The following PFKFB2 variants were observed in gnomAD, a reference collection of about 807,000 sequenced individuals.
PFKFB2 encodes 6-phosphofructo-2-kinase/fructose-2,6-biphosphatase 2, also known as 6-phosphofructo-2-kinase/fructose-2,6-bisphosphatase 2.
Under a neutral mutation model 68.0 loss-of-function variants are expected in PFKFB2, and 53 were observed. The ratio of observed to expected loss-of-function variants is 0.78; its 90% CI spans 0.63 to 0.98. PFKFB2 has a LOEUF of 0.98. PFKFB2 is among the 50% of genes least tolerant of loss of function. PFKFB2 has a pLI of 0.00. For missense variants in PFKFB2, 451 were observed against 642.0 expected, an observed-to-expected ratio of 0.70 and a Z score of 3.22; for synonymous variants, 222 against 227.6, an observed-to-expected ratio of 0.98 and a Z score of 0.22.
chr1:207,063,167 A>G lies in PFKFB2; in HGVS notation c.333A>G (p.Glu111=), dbSNP rs531067191. ...IRKQCALVAL[E]DVKAYLTEEN... ...GACAGTGTGCTCTGGTGGCGCTGGA[A>G]GATGTTAAGGCGTATCTCACTGAGG... The change falls in exon 5 of 15, where the codon GAA becomes GAG. Residue 111 remains glutamate (E), a synonymous_variant. Coordinates refer to ENST00000367080, the MANE Select transcript of PFKFB2 (RefSeq NM_006212.2). The surrounding 1 kb of genome is among the most constrained non-coding windows in gnomAD (Gnocchi z 4.1). The G allele has an allele frequency of 6.2e-7, 1 of 1,614,104 alleles. No homozygotes were observed. The highest frequency in any genetic ancestry group is 1.1e-5 in the South Asian group (1 of 91,074).
In PFKFB2 at chr1:207,063,888, G is replaced by GGGGGGGTGTGTGTGT. The variant is rs572110449; in HGVS notation, c.507+60_507+61insGGGGGTGTGTGTGTG. 4.8e-5 allele frequency: 49 copies of GGGGGGGTGTGTGTGT among 1,016,600 alleles called. No homozygotes were observed. The East Asian group carries it at 9.5e-4, about 20-fold the overall frequency. 63.0% of individuals were successfully genotyped at this position (1,016,600 alleles called of 1,614,324 possible). A position where few individuals can be genotyped will look rare whatever the true frequency, so the allele number is the denominator to read the frequency against. ...ACCTTTTGTGCTGTGTGTGTTGTGG[G>GGGGGGGTGTGTGTGT]GTGTGTGTGTGTGTGTGTGTGTGTG... On this transcript the variant is annotated intron_variant, in intron 7 of 14. Coordinates refer to ENST00000367080, the MANE Select transcript of PFKFB2 (RefSeq NM_006212.2). The surrounding 1 kb of genome is among the most constrained non-coding windows in gnomAD (Gnocchi z 4.1).
chr1:207,050,387 T>C (rs1371791108), upstream of PFKFB2, among the ~76,000 whole-genome samples: 1 of 152,162 alleles, frequency 6.6e-6, no homozygotes, highest in Non-Finnish European at 1.5e-5. Flanking sequence ...CCCTACTTTA[T>C]ATTTTTGTGG....
chr1:207,040,950 C>G (rs1682464762), intron 1 of PFKFB2, among the ~76,000 whole-genome samples: 1 of 108,900 alleles, frequency 9.2e-6, no homozygotes, highest in Admixed American at 1.1e-4. Context: ...TTTTTTGAGA[C>G]AAGAGTCTCG....
chr1:207,061,919 T>G (rs1250292919), intron 2 of PFKFB2, 34 bp from the exon 3 acceptor site: 1 of 1,580,896 alleles, frequency 6.3e-7, no homozygotes, highest in South Asian at 1.1e-5. Context: ...AGGACTCTAG[T>G]CATTTCGTTT....
chr1:207,070,183 G>C lies in PFKFB2; in HGVS notation c.1093-97G>C, dbSNP rs1683424900. 7.0e-7 allele frequency: 1 copy of C among 1,437,170 alleles called. No individual in the cohort carries two copies. The highest frequency in any genetic ancestry group is 1.4e-5 in the African/African-American group (1 of 70,786). The allele number at this position is 1,437,170 out of a possible 1,614,324, so 89.0% of individuals were successfully genotyped here. Reference sequence around the variant, plus strand: ...GCCTCCAGGAGGAAAGCCAGCTGAGGAAGAAGAAGTGGCCCTTAGTCTCCA... The same window carrying C: ...GCCTCCAGGAGGAAAGCCAGCTGAGCAAGAAGAAGTGGCCCTTAGTCTCCA... On this transcript the variant is annotated intron_variant, in intron 11 of 14. Transcript: ENST00000367080. This position sits in a 1 kb window ranked among gnomAD's most constrained non-coding sequence, Gnocchi z 4.2.
chr1:207,055,002 T>A (rs1682878614), intron 2 of PFKFB2, 200 bp downstream of exon 2: 3 of 528,960 alleles, frequency 5.7e-6, no homozygotes, highest in Non-Finnish European at 6.8e-6. Context: ...GCTTGACTAC[T>A]GGTGTAGTCC....
chr1:207,073,225 C>T lies in PFKFB2; in HGVS notation c.*854C>T, dbSNP rs1572737705. On this transcript the variant is annotated 3_prime_UTR_variant, in exon 15 of 15. Transcript: ENST00000367080. ...TTTTTATTTTTAATTTAGAGTCAGG[C>T]CTGGGTCTTTTGAGGTCTGCAGAGT... 1 of 985,452 alleles carries T rather than the reference C, an allele frequency of 1.0e-6. No individual in the cohort carries two copies. The allele number at this position is 985,452 out of a possible 1,614,324, so 61.0% of individuals were successfully genotyped here. A position where few individuals can be genotyped will look rare whatever the true frequency, so the allele number is the denominator to read the frequency against.
intron 1 of PFKFB2, among the ~76,000 whole-genome samples, chr1:207,038,011 C>G (rs1682410762): frequency 6.6e-6 from 1 of 152,152 alleles, no homozygotes; most frequent in Non-Finnish European, 1.5e-5. Context: ...ACTGTAGTAG[C>G]CTCCTCCTCA....
At chr1:207,049,355 C>T, upstream of PFKFB2, 2 of 1,614,166 alleles carry the variant, frequency 1.2e-6, no homozygotes, top group Non-Finnish European at 8.5e-7. Flanking sequence ...GTATCCACTA[C>T]ACATATTTCA....
intron 1 of PFKFB2, among the ~76,000 whole-genome samples, chr1:207,054,462 G>A (rs988545795): frequency 3.3e-5 from 5 of 152,154 alleles, no homozygotes; most frequent in African/African-American, 1.2e-4. Context: ...AGAAGATAAC[G>A]TCTGTAAATG....
rs558591419 is a variant in PFKFB2, at chr1:207,072,350, C to T, written c.1497C>T (p.Asp499=). Residue 499 remains aspartate, a synonymous_variant, in exon 15 of 15, where the codon GAC becomes GAT. Transcript: ENST00000367080. ...CCCTCAGCCCTCTCCGTGCCCAGGA[C>T]ATGCAAGAAGGGGCCGACTAGCCGA... ...LKPLSPLRAQ[D]MQEGAD 1.9e-6 allele frequency: 3 copies of T among 1,613,706 alleles called. No individual in the cohort carries two copies. The highest frequency in any genetic ancestry group is 1.7e-5 in the Admixed American group (1 of 59,898).
At chr1:207,044,825 TC>T (rs745927231) in intron 2 of PFKFB2, 2 of 152,510 alleles carry the variant, frequency 1.3e-5, no homozygotes, top group Non-Finnish European at 2.9e-5. Context: ...TTTTCTCCCT[TC>T]ACTCTACCAT....
At chr1:207,045,387 A>C (rs1490975935) in intron 2 of PFKFB2, 1 of 152,506 alleles carries the variant, frequency 6.6e-6, no homozygotes, top group African/African-American at 2.4e-5. Flanking sequence ...GTGCCAATAG[A>C]TACACTCTAC....
Position 207,072,737 on chromosome 1 carries a change from T to G in PFKFB2, c.*366T>G. 1 of 1,022,534 alleles carries G rather than the reference T, an allele frequency of 9.8e-7. No homozygotes were observed. The highest frequency in any genetic ancestry group is 1.2e-6 in the Non-Finnish European group (1 of 854,652). The allele number at this position is 1,022,534 out of a possible 1,614,324, so 63.3% of individuals were successfully genotyped here. On this transcript the variant is annotated 3_prime_UTR_variant, in exon 15 of 15. Coordinates refer to ENST00000367080, the MANE Select transcript of PFKFB2 (RefSeq NM_006212.2). Reference sequence around the variant, plus strand: ...GGTGTCTTCACTAATGTCCTCATGTTGGTGAAGTGTTGGGGGATGGAGGGC... The same window carrying G: ...GGTGTCTTCACTAATGTCCTCATGTGGGTGAAGTGTTGGGGGATGGAGGGC...
upstream of PFKFB2, chr1:207,051,110 CTT>C (rs1010114893): frequency 7.7e-6 from 11 of 1,428,370 alleles, no homozygotes; most frequent in South Asian, 6.0e-5. Flanking sequence ...AGCGCGAACT[CTT>C]TTAAAGTGAC....
upstream of PFKFB2, chr1:207,051,068 T>C (rs1682738793): frequency 1.4e-6 from 2 of 1,466,932 alleles, no homozygotes; most frequent in Non-Finnish European, 1.8e-6. Flanking sequence ...ATCGCGACGC[T>C]TCGGTGCGGC....
rs1365546383 is a variant in PFKFB2 at position 207,054,148 on chromosome 1, C to T, written c.-17-553C>T. Among the ~76,000 whole-genome samples the T allele has an allele frequency of 1.3e-5, 2 of 151,866 alleles. 1 individual carries two copies. On this transcript the variant is annotated intron_variant, in intron 1 of 14. Coordinates refer to ENST00000367080, the MANE Select transcript of PFKFB2 (RefSeq NM_006212.2). ...CTATCTCTTGACCTCTTGATCCGCCCGCCTCAGCCTCCCCAAGTGTTGGAA... is the reference window on the plus strand; with the variant it reads ...CTATCTCTTGACCTCTTGATCCGCCTGCCTCAGCCTCCCCAAGTGTTGGAA...
intron 2 of PFKFB2, 100 bp from the exon 3 acceptor site, chr1:207,061,853 G>A (rs1683126401): frequency 9.7e-7 from 1 of 1,027,678 alleles, no homozygotes; most frequent in Non-Finnish European, 1.5e-6. Context: ...CTGTACTCCA[G>A]CCTGGTGACA....
intron 3 of PFKFB2, 25 bp from the exon 4 acceptor site, chr1:207,062,595 T>G: frequency 6.2e-7 from 1 of 1,608,220 alleles, no homozygotes; most frequent in Non-Finnish European, 8.5e-7. Flanking sequence ...ATTTTGCTGC[T>G]GAAGGATTTG....
Sources: gnomAD v4.1 joint callset for allele counts (sites outside exome capture counted in the v4.1 genomes callset) on GRCh38, gnomAD v4.1.1 for gene constraint, Gnocchi (gnomAD v3.1) non-coding constraint, MANE v1.5 for transcripts, NCBI Gene and HGNC (gene_info 2026-07-23, HGNC 2026-07-21) for gene names.